The following PCDHGA1 variants were observed in gnomAD, a reference collection of about 807,000 sequenced individuals.
PCDHGA1 encodes the protein protocadherin gamma subfamily A, 1, also known as protocadherin gamma-A1.
PCDHGA1 carries 32 observed loss-of-function variants against 58.0 expected under a neutral mutation model. That is an observed-to-expected ratio of 0.55 (90% confidence interval 0.42 to 0.74). PCDHGA1 has a LOEUF of 0.74. Among genes scored for constraint, PCDHGA1 ranks in the 30% least tolerant of loss-of-function variants. PCDHGA1 has a pLI of 0.00. For synonymous variants in PCDHGA1, 498 were observed against 501.1 expected, an observed-to-expected ratio of 0.99 and a Z score of 0.08; for missense variants, 1,205 against 1,182.3, an observed-to-expected ratio of 1.02 and a Z score of -0.28.
At chr5:141,508,371 C>T (rs1250979168) in intron 3 of PCDHGA1, 1 of 152,226 alleles carries the variant, frequency 6.6e-6, no homozygotes, top group East Asian at 1.9e-4. Flanking sequence ...CAACTTCTTC[C>T]CCTCAGATTT....
At chr5:141,383,201 G>C in intron 1 of PCDHGA1, 3 of 1,614,000 alleles carry the variant, frequency 1.9e-6, no homozygotes, top group Non-Finnish European at 2.5e-6. Flanking sequence ...CAGAGTGCGC[G>C]GTGTCTGGTA....
At chr5:141,394,910 C>T in intron 1 of PCDHGA1, 1 of 1,613,766 alleles carries the variant, frequency 6.2e-7, no homozygotes. Context: ...CAGTGGCTGC[C>T]ATCTCCTGTG....
chr5:141,400,233 C>G (rs373858401), intron 1 of PCDHGA1: 21 of 1,613,872 alleles, frequency 1.3e-5, no homozygotes, highest in Non-Finnish European at 1.8e-5. Context: ...TCCTCCTGGC[C>G]GTGATTCTGG....
At position 141,360,515 on chromosome 5, in the gene PCDHGA1, A is replaced by C. The variant is rs761181928; in HGVS notation, c.2421+27410A>C. The C allele has an allele frequency of 1.9e-6, 3 of 1,613,898 alleles. No homozygotes were observed. The East Asian group carries it at 6.7e-5, about 36-fold the overall frequency. ...ATAGCAGTAATTGTGCAGGATATAAATGATAATACCCCGCTATTCAAACAG... is the reference window on the plus strand; with the variant it reads ...ATAGCAGTAATTGTGCAGGATATAACTGATAATACCCCGCTATTCAAACAG... On this transcript the variant is annotated intron_variant, in intron 1 of 3. Coordinates refer to ENST00000517417, the MANE Select transcript of PCDHGA1 (RefSeq NM_018912.3).
At chr5:141,375,610 C>G in intron 1 of PCDHGA1, 1 of 1,614,224 alleles carries the variant, frequency 6.2e-7, no homozygotes, top group Non-Finnish European at 8.5e-7. Context: ...CCATCAACTC[C>G]GACACTGGGA....
chr5:141,346,217 G>A (rs1279529882), intron 1 of PCDHGA1: 12 of 1,614,056 alleles, frequency 7.4e-6, no homozygotes, highest in African/African-American at 2.7e-5. Context: ...TGCAGGCTTC[G>A]GGAGGCGGCT....
In PCDHGA1 at chr5:141,352,205, C is replaced by T. The variant is rs745707579; in HGVS notation, c.2421+19100C>T. On this transcript the variant is annotated intron_variant, in intron 1 of 3. Coordinates refer to ENST00000517417, the MANE Select transcript of PCDHGA1 (RefSeq NM_018912.3). ...CGCTGTGCGTGATGGAGGACAGCCG[C>T]CACTCTCCGCCACCGCCACGCTGCA... The T allele has an allele frequency of 1.9e-6, 3 of 1,614,044 alleles. No homozygotes were observed. The South Asian group carries it at 3.3e-5, about 18-fold the overall frequency.
chr5:141,425,523 T>C (rs1260519939), intron 1 of PCDHGA1, among the ~76,000 whole-genome samples: 1 of 152,248 alleles, frequency 6.6e-6, no homozygotes, highest in Admixed American at 6.5e-5. Flanking sequence ...TGATGAAACA[T>C]GAAACAATAA....
chr5:141,385,078 G>A, intron 1 of PCDHGA1: 1 of 1,614,222 alleles, frequency 6.2e-7, no homozygotes, highest in Non-Finnish European at 8.5e-7. Context: ...CCTGCTGCAG[G>A]CTTCAGAAGG....
chr5:141,460,656 ACTGTAAACACAGT>A (rs2098994793), intron 1 of PCDHGA1, among the ~76,000 whole-genome samples: 1 of 152,086 alleles, frequency 6.6e-6, no homozygotes, highest in Admixed American at 6.6e-5. Flanking sequence ...CACATATGTA[ACTGTAAACACAGT>A]TATATATCTA....
chr5:141,495,107 A>G (rs559621284), intron 2 of PCDHGA1, among the ~76,000 whole-genome samples: 1 of 152,166 alleles, frequency 6.6e-6, no homozygotes, highest in East Asian at 1.9e-4. Flanking sequence ...CACGACCGGC[A>G]CCTTTTCCTA....
Position 141,431,975 on chromosome 5 carries a change from A to G in PCDHGA1, c.2422-62832A>G. 1 of 1,614,218 alleles carries G rather than the reference A, an allele frequency of 6.2e-7. No individual in the cohort carries two copies. Among genetic ancestry groups the G allele is most frequent in the Non-Finnish European group, 8.5e-7 (1 of 1,180,022 alleles). ...TTACGGAAATTACTATAGTTTAGTC[A>G]CAGACATAGTCTTGGATAGGGAACA... On this transcript the variant is annotated intron_variant, in intron 1 of 3. Transcript: ENST00000517417. The surrounding 1 kb of genome is among the most constrained non-coding windows in gnomAD (Gnocchi z 4.8).
intron 1 of PCDHGA1, chr5:141,362,239 CTCT>C (rs1588573433): frequency 1.2e-6 from 2 of 1,614,060 alleles, no homozygotes; most frequent in East Asian, 2.2e-5. Flanking sequence ...GATCTCAGTG[CTCT>C]TCTTCCTCGC....
intron 1 of PCDHGA1, chr5:141,365,799 C>A: frequency 1.2e-6 from 2 of 1,613,942 alleles, no homozygotes; most frequent in South Asian, 1.1e-5. Context: ...GTCACCTACT[C>A]CCTGGCTGAA....
intron 1 of PCDHGA1, chr5:141,375,919 C>T: frequency 1.2e-6 from 2 of 1,613,730 alleles, no homozygotes; most frequent in East Asian, 2.2e-5. Context: ...TCAAGGCCAG[C>T]GAGCCAGGAC....
chr5:141,409,226 G>A (rs753236012), intron 1 of PCDHGA1: 1 of 1,613,862 alleles, frequency 6.2e-7, no homozygotes, highest in African/African-American at 1.3e-5. Flanking sequence ...TGATGAAAAC[G>A]ACAACAGCCC....
At chr5:141,456,821 A>G (rs1432134342) in intron 1 of PCDHGA1, among the ~76,000 whole-genome samples, 2 of 151,744 alleles carry the variant, frequency 1.3e-5, no homozygotes, top group Admixed American at 6.6e-5. Context: ...AAAATTAGCC[A>G]TCGTGGTAGT....
In PCDHGA1 at chr5:141,345,037, T is replaced by C. The variant is rs199985204; in HGVS notation, c.2421+11932T>C. 1.4e-4 allele frequency: 220 copies of C among 1,613,844 alleles called. 1 individual carries two copies. Among genetic ancestry groups the C allele is most frequent in the Non-Finnish European group, 1.8e-4 (211 of 1,179,896 alleles). On this transcript the variant is annotated intron_variant, in intron 1 of 3. Transcript: ENST00000517417. ...CTTCTTTCAAGAGCCAAGATTCTAG[T>C]CACGGTTCTGGATGTGAATGACAAT...
At chr5:141,393,097 T>C in intron 1 of PCDHGA1, 1 of 1,613,608 alleles carries the variant, frequency 6.2e-7, no homozygotes, top group South Asian at 1.1e-5. Context: ...CGGGAGGAGC[T>C]CTGCGCTCAG....
Sources: allele counts gnomAD v4.1 joint callset (sites outside exome capture counted in the v4.1 genomes callset), GRCh38; gene constraint gnomAD v4.1.1; non-coding constraint Gnocchi (gnomAD v3.1); transcripts MANE v1.5; gene names NCBI Gene and HGNC (gene_info 2026-07-23, HGNC 2026-07-21).